PMPCB: variants seen among roughly 807,000 people sequenced by gnomAD.
The protein encoded by PMPCB is mitochondrial-processing peptidase subunit beta.
Under a neutral mutation model 61.5 loss-of-function variants are expected in PMPCB, and 46 were observed. The observed-to-expected ratio is 0.75, with a 90% CI of 0.59 to 0.96. The LOEUF is 0.96. Ranked by LOEUF, PMPCB falls within the 40% of genes least tolerant of loss-of-function variation. The pLI is 0.00. For synonymous variants in PMPCB, 191 were observed against 201.6 expected, an observed-to-expected ratio of 0.95 and a Z score of 0.44; for missense variants, 590 against 602.4, an observed-to-expected ratio of 0.98 and a Z score of 0.22.
intron 6 of PMPCB, among the ~76,000 whole-genome samples, chr7:103,307,346 T>G (rs533793283): frequency 2.0e-5 from 3 of 152,228 alleles, no homozygotes; most frequent in Non-Finnish European, 2.9e-5. Flanking sequence ...TCAAGTTGTC[T>G]TATTCTTAGC....
chr7:103,304,894 G>A (rs983416485), intron 6 of PMPCB, among the ~76,000 whole-genome samples: 1 of 152,006 alleles, frequency 6.6e-6, no homozygotes, highest in Non-Finnish European at 1.5e-5. Flanking sequence ...AGGAGGCGGA[G>A]GTTACAGTGA....
downstream of PMPCB, chr7:103,315,988 C>G (rs1586064084): frequency 6.3e-7 from 1 of 1,588,512 alleles, no homozygotes; most frequent in Non-Finnish European, 8.6e-7. Context: ...CAAAACTCAC[C>G]AAGTTTTTGG....
the PMPCB span, chr7:103,341,963 GA>G: frequency 7.7e-6 from 12 of 1,556,042 alleles, no homozygotes; most frequent in Non-Finnish European, 1.0e-5. Flanking sequence ...GGCTGTGATT[GA>G]AAGTGTTAAG....
At position 103,307,717 on chromosome 7, in the gene PMPCB, A is replaced by T. The variant is rs1817627624; in HGVS notation, c.849+9A>T. The T allele has an allele frequency of 3.5e-6, 5 of 1,448,986 alleles. No homozygotes were observed. In the East Asian group the frequency reaches 1.1e-4, roughly 33 times the overall value. 89.8% of individuals were successfully genotyped at this position (1,448,986 alleles called of 1,614,324 possible). ...AATTCACAGGAAGTGAGGTAGGGCA[A>T]GCCTTCCAGCTAGTATTTAGCCTTT... On this transcript the variant is annotated intron_variant, in intron 7 of 12. Transcript: ENST00000249269.
intron 12 of PMPCB, chr7:103,327,549 G>T (rs1818770572): frequency 1.3e-6 from 1 of 771,772 alleles, no homozygotes; most frequent in Non-Finnish European, 2.1e-6. Flanking sequence ...GTTTTAAAAT[G>T]TCAAAGGATA....
chr7:103,310,629 G>T, intron 9 of PMPCB, 154 bp downstream of exon 9: 2 of 486,108 alleles, frequency 4.1e-6, no homozygotes, highest in Non-Finnish European at 6.9e-6. Context: ...GGTTGCAGTT[G>T]GTTTTTCCTA....
chr7:103,344,069 A>C, the PMPCB span, among the ~76,000 whole-genome samples: 179 of 152,350 alleles, frequency 1.2e-3, 3 homozygotes, highest in East Asian at 0.029. Flanking sequence ...TTTCAGCAGC[A>C]CAGTCTTTGA....
At chr7:103,315,958 A>G, downstream of PMPCB, 3 of 1,564,360 alleles carry the variant, frequency 1.9e-6, no homozygotes, top group Non-Finnish European at 1.7e-6. Context: ...ATAGGTGTTT[A>G]AAGTAACAAA....
chr7:103,324,615 G>C, intron 12 of PMPCB: 1 of 1,305,550 alleles, frequency 7.7e-7, no homozygotes, highest in Non-Finnish European at 1.0e-6. Flanking sequence ...ATGTACAACA[G>C]TTCAACAAAC....
intron 12 of PMPCB, chr7:103,326,759 T>G (rs1298316126): frequency 7.1e-7 from 1 of 1,400,832 alleles, no homozygotes; most frequent in Non-Finnish European, 9.6e-7. Context: ...AGTATTTCCC[T>G]CCTTAAAACA....
chr7:103,333,742 A>G (rs1819059831), downstream of PMPCB, among the ~76,000 whole-genome samples: 1 of 152,214 alleles, frequency 6.6e-6, no homozygotes, highest in Non-Finnish European at 1.5e-5. Context: ...AAGTAGATGT[A>G]ACTTACAGTA....
chr7:103,337,456 T>A, the PMPCB span: 1 of 298,538 alleles, frequency 3.3e-6, no homozygotes, highest in East Asian at 6.5e-5. Context: ...TGAAGTATTA[T>A]TTTTTAAAAG....
chr7:103,313,654 G>A lies in PMPCB; in HGVS notation c.*1383G>A. On this transcript the variant is annotated 3_prime_UTR_variant, in exon 13 of 13. Coordinates refer to ENST00000249269, the MANE Select transcript of PMPCB (RefSeq NM_004279.3). ...TGAGATTAGATTGTGTTGTAGTGTG[G>A]TGTTCTCTTCGTCACATCTGCTAAA... 1.0e-6 allele frequency: 1 copy of A among 985,416 alleles called. No individual in the cohort carries two copies. The highest frequency in any genetic ancestry group is 4.7e-5 in the South Asian group (1 of 21,286). The allele number at this position is 985,416 out of a possible 1,614,324, so 61.0% of individuals were successfully genotyped here.
chr7:103,319,651 T>A, downstream of PMPCB: 1 of 1,614,080 alleles, frequency 6.2e-7, no homozygotes, highest in Non-Finnish European at 8.5e-7. Flanking sequence ...TTGTGCATGA[T>A]GTGAGTGTTT....
At position 103,312,053 on chromosome 7, in the gene PMPCB, C is replaced by T. The variant is rs772888381; in HGVS notation, c.1330-3C>T. The T allele has an allele frequency of 2.5e-6, 4 of 1,612,666 alleles. No individual in the cohort carries two copies. In the African/African-American group the frequency reaches 5.3e-5, roughly 22 times the overall value. ...CTGAATGACAGTGTCTTCCATATTTCAGGCTGTGAATGCTGAGACAATTCG... is the reference window on the plus strand; with the variant it reads ...CTGAATGACAGTGTCTTCCATATTTTAGGCTGTGAATGCTGAGACAATTCG... On this transcript the variant is annotated splice_region_variant and splice_polypyrimidine_tract_variant and intron_variant, in intron 11 of 12. Coordinates refer to ENST00000249269, the MANE Select transcript of PMPCB (RefSeq NM_004279.3).
At chr7:103,338,462 A>G in the PMPCB span, among the ~76,000 whole-genome samples, 1 of 151,130 alleles carries the variant, frequency 6.6e-6, no homozygotes, top group Non-Finnish European at 1.5e-5. Flanking sequence ...ACGCCTGGCT[A>G]ATTTGTGTAT....
intron 12 of PMPCB, chr7:103,321,788 C>T (rs1025946149): frequency 1.1e-5 from 9 of 839,052 alleles, no homozygotes; most frequent in East Asian, 5.8e-5. Flanking sequence ...GCGGAAATTG[C>T]GGTGAACTGA....
At chr7:103,334,617 TA>T in the PMPCB span, among the ~76,000 whole-genome samples, 169 of 141,822 alleles carry the variant, frequency 1.2e-3, no homozygotes, top group South Asian at 2.7e-3. Context: ...TTTTTTTAAT[TA>T]AAAAAAAAAA....
At chr7:103,342,610 A>ATT in the PMPCB span, among the ~76,000 whole-genome samples, 6 of 136,434 alleles carry the variant, frequency 4.4e-5, no homozygotes, top group Non-Finnish European at 3.2e-5. Context: ...CACCTGGACA[A>ATT]TTTTTTTTTT....
Sources: allele counts gnomAD v4.1 joint callset (sites outside exome capture counted in the v4.1 genomes callset), GRCh38; gene constraint gnomAD v4.1.1; transcripts MANE v1.5; gene names NCBI Gene and HGNC (gene_info 2026-07-23, HGNC 2026-07-21).